Variants in SUMF2 observed in about 807,000 individuals in gnomAD.
SUMF2 encodes inactive C-alpha-formylglycine-generating enzyme 2.
SUMF2 carries 45 observed loss-of-function variants against 44.8 expected under a neutral mutation model. The observed-to-expected ratio is 1.00, with a 90% confidence interval of 0.79 to 1.29. The LOEUF is 1.29. SUMF2 is among the 50% of genes most tolerant of loss of function. SUMF2 has a pLI of 0.00. For missense variants in SUMF2, 418 were observed against 389.9 expected (o/e 1.07, Z -0.61); for synonymous variants, 148 against 150.4 (o/e 0.98, Z 0.12).
At chr7:56,083,506 C>T, downstream of SUMF2, 3 of 1,579,916 alleles carry the variant, frequency 1.9e-6, no homozygotes, top group East Asian at 4.5e-5. Flanking sequence ...CAGGGAGACA[C>T]AGCTCACATT....
At chr7:56,073,408 T>G (rs1795310436) in intron 3 of SUMF2, 1 of 399,528 alleles carries the variant, frequency 2.5e-6, no homozygotes, top group Admixed American at 3.5e-5. Flanking sequence ...ATCTCAGCAC[T>G]TTGAGAGGCT....
chr7:56,081,437 C>T (rs550459148), downstream of SUMF2: 2 of 1,291,898 alleles, frequency 1.5e-6, no homozygotes, highest in Admixed American at 2.4e-5. This position sits in a 1 kb window ranked among gnomAD's most constrained non-coding sequence, Gnocchi z 4.6. Flanking sequence ...TCCCCCACTT[C>T]CCACTTGGCC....
At chr7:56,085,990 A>T in the SUMF2 span, among the ~76,000 whole-genome samples, 2 of 144,222 alleles carry the variant, frequency 1.4e-5, no homozygotes, top group Admixed American at 1.4e-4. Context: ...AAAAAAAAAA[A>T]GTAAATCAGA....
chr7:56,065,014 AACCCCGTCTCT>A (rs1478443959), intron 1 of SUMF2, among the ~76,000 whole-genome samples: 1 of 151,010 alleles, frequency 6.6e-6, no homozygotes, highest in Non-Finnish European at 1.5e-5. Flanking sequence ...AACACAGTGA[AACCCCGTCTCT>A]ACTAAAAATT....
intron 1 of SUMF2, among the ~76,000 whole-genome samples, chr7:56,066,775 A>G (rs550900856): frequency 4.6e-5 from 7 of 152,234 alleles, no homozygotes; most frequent in African/African-American, 7.2e-5. Context: ...ACCTGACACC[A>G]CGCCTGGCTG....
chr7:56,084,296 G>A, downstream of SUMF2: 2 of 1,099,734 alleles, frequency 1.8e-6, no homozygotes, highest in Non-Finnish European at 2.7e-6. Context: ...AATGATGGCT[G>A]GAGGCTGAAA....
downstream of SUMF2, chr7:56,083,623 CGGAGA>C (rs530706752): frequency 1.5e-3 from 2,343 of 1,565,030 alleles, 2 homozygotes; most frequent in Non-Finnish European, 1.5e-3. Context: ...TGGGAGGGAG[CGGAGA>C]GAAGGGCAAA....
chr7:56,079,701 G>A lies in SUMF2; in HGVS notation c.*89G>A, dbSNP rs765265503. The A allele has an allele frequency of 1.2e-6, 2 of 1,612,662 alleles. No individual in the cohort carries two copies. Among genetic ancestry groups the A allele is most frequent in the Non-Finnish European group, 1.7e-6 (2 of 1,179,298 alleles). On this transcript the variant is annotated 3_prime_UTR_variant, in exon 9 of 9. Transcript: ENST00000434526. ...AAACAGCGCAATTCCAAGCTCGAGA[G>A]CTTCAGCCTCAGGAAAGAACTTCCC...
At chr7:56,085,528 G>A (rs962897926), downstream of SUMF2, among the ~76,000 whole-genome samples, 1 of 152,178 alleles carries the variant, frequency 6.6e-6, no homozygotes. Context: ...GATGATGGTG[G>A]TGATGGTGAT....
Position 56,064,320 on chromosome 7 carries a change from GC to G in SUMF2, c.10del (p.His4MetfsTer19). 6.3e-7 allele frequency: 1 copy of G among 1,595,522 alleles called. No homozygotes were observed. The highest frequency in any genetic ancestry group is 8.5e-7 in the Non-Finnish European group (1 of 1,171,478). On this transcript the variant is annotated frameshift_variant, in exon 1 of 9. Transcript: ENST00000434526. LOFTEE classifies it high-confidence loss of function. ...GCAGCGCGGCAGTCCTGATGGCCCG[GC>G]ATGGGTTACCGCTGCTGCCCCTGCT... MAR[H>X]GLPLLPLLSL... is the part of the protein sequence containing the mutation.
chr7:56,087,772 C>T, the SUMF2 span: 44 of 1,610,726 alleles, frequency 2.7e-5, no homozygotes, highest in South Asian at 1.1e-4. Flanking sequence ...ACACTGCTAA[C>T]GCCCCTGGGA....
intron 5 of SUMF2, 122 bp downstream of exon 5, chr7:56,074,858 G>GATTAC: frequency 2.3e-6 from 3 of 1,290,970 alleles, no homozygotes; most frequent in East Asian, 2.4e-5. Context: ...AACACTTTGG[G>GATTAC]AGGCTGGGGC....
At chr7:56,071,485 T>C (rs1301881047) in intron 2 of SUMF2, among the ~76,000 whole-genome samples, 2 of 151,216 alleles carry the variant, frequency 1.3e-5, no homozygotes, top group East Asian at 3.9e-4. Flanking sequence ...TGAGACCTGG[T>C]GTCAAAAAAA....
Position 56,078,386 on chromosome 7 carries a change from C to T in SUMF2, c.699C>T (p.Asn233=), listed in dbSNP as rs771541881. Reference sequence around the variant, plus strand: ...CAGGGCTCTATGACCTCCTGGGGAACGTGTGGGAGTGGACAGCATCACCGT... The same window carrying T: ...CAGGGCTCTATGACCTCCTGGGGAATGTGTGGGAGTGGACAGCATCACCGT... ...NNYGLYDLLG[N]VWEWTASPYQ... is the part of the protein sequence containing the mutation. Residue 233 remains asparagine (N), a synonymous_variant, in exon 8 of 9, where the codon AAC becomes AAT. Transcript: ENST00000434526. 2.5e-5 allele frequency: 41 copies of T among 1,609,098 alleles called. No homozygotes were observed. The highest frequency in any genetic ancestry group is 1.7e-4 in the Middle Eastern group (1 of 6,054).
chr7:56,083,726 A>G, downstream of SUMF2: 1 of 1,564,278 alleles, frequency 6.4e-7, no homozygotes, highest in East Asian at 2.3e-5. Flanking sequence ...CTGTGGAAAC[A>G]GAGGGTTGAT....
intron 1 of SUMF2, among the ~76,000 whole-genome samples, chr7:56,068,120 G>A (rs1794930555): frequency 2.1e-5 from 3 of 141,554 alleles, no homozygotes; most frequent in Admixed American, 7.6e-5. Flanking sequence ...TGCAAGCTCC[G>A]CCTCCCGGGT....
the SUMF2 span, chr7:56,086,920 G>A: frequency 7.0e-7 from 1 of 1,428,058 alleles, no homozygotes; most frequent in Non-Finnish European, 9.9e-7. Flanking sequence ...GGAGGGGACA[G>A]CAGTCGGAGG....
chr7:56,081,131 G>A (rs771887282), downstream of SUMF2: 2 of 1,613,812 alleles, frequency 1.2e-6, no homozygotes, highest in East Asian at 4.5e-5. This position sits in a 1 kb window ranked among gnomAD's most constrained non-coding sequence, Gnocchi z 4.6. Context: ...TTCTGCTGCT[G>A]CCCCTTCTTC....
chr7:56,087,804 G>A, the SUMF2 span: 377 of 1,588,506 alleles, frequency 2.4e-4, 2 homozygotes, highest in Non-Finnish European at 1.9e-4. Context: ...AGATGGCCTC[G>A]GGGGGCCCCT....
Sources: allele counts gnomAD v4.1 joint callset (sites outside exome capture counted in the v4.1 genomes callset), GRCh38; gene constraint gnomAD v4.1.1; non-coding constraint Gnocchi (gnomAD v3.1); transcripts MANE v1.5; gene names NCBI Gene and HGNC (gene_info 2026-07-23, HGNC 2026-07-21).